Variants in MIIP observed in about 807,000 individuals in gnomAD.
MIIP encodes the protein migration and invasion-inhibitory protein.
MIIP carries 44 observed loss-of-function variants against 44.8 expected under a neutral mutation model. The observed-to-expected ratio is 0.98, with a 90% CI of 0.77 to 1.26. MIIP has a LOEUF of 1.26. Ranked by LOEUF, MIIP falls within the 50% of genes most tolerant of loss-of-function variation. The pLI is 0.00. For missense variants in MIIP, 496 were observed against 511.7 expected (o/e 0.97, Z 0.30); for synonymous variants, 225 against 218.3 (o/e 1.03, Z -0.27).
At chr1:12,029,622 A>G (rs1168868186) in intron 6 of MIIP, 143 bp from the exon 7 acceptor site, 4 of 1,187,010 alleles carry the variant, frequency 3.4e-6, no homozygotes, top group Non-Finnish European at 4.7e-6. Flanking sequence ...TTCTGGGAGG[A>G]AAGGGGTTAG....
At chr1:12,025,088 C>T (rs986741819) in intron 4 of MIIP, among the ~76,000 whole-genome samples, 4 of 136,206 alleles carry the variant, frequency 2.9e-5, no homozygotes, top group Non-Finnish European at 3.0e-5. Context: ...GAGAGAGAGT[C>T]GCACTGTGTC....
intron 1 of MIIP, among the ~76,000 whole-genome samples, chr1:12,020,814 G>A (rs1469580391): frequency 6.6e-6 from 1 of 152,200 alleles, no homozygotes; most frequent in Non-Finnish European, 1.5e-5. Context: ...CTCCCGAGTA[G>A]CTGGGATTAC....
rs537258118 is a variant in MIIP at position 12,021,688 on chromosome 1, G to C, written c.-39G>C. The C allele has an allele frequency of 3.2e-6, 5 of 1,580,758 alleles. No homozygotes were observed. The East Asian group carries it at 1.1e-4, about 35-fold the overall frequency. On this transcript the variant is annotated 5_prime_UTR_variant, in exon 2 of 10. Coordinates refer to ENST00000235332, the MANE Select transcript of MIIP (RefSeq NM_021933.4). ...GAACCCAGCCCTGAGGACATCCTGCGGCCCAGGGGCAAGTGACACCTGCTG... is the reference window on the plus strand; with the variant it reads ...GAACCCAGCCCTGAGGACATCCTGCCGCCCAGGGGCAAGTGACACCTGCTG...
intron 4 of MIIP, among the ~76,000 whole-genome samples, chr1:12,023,688 T>C (rs1640039959): frequency 4.6e-5 from 7 of 151,102 alleles, no homozygotes; most frequent in Admixed American, 4.6e-4. Context: ...TTTTTTTTTT[T>C]TTTCTTTGCT....
chr1:12,026,649 C>T (rs1640109698), intron 4 of MIIP, among the ~76,000 whole-genome samples: 1 of 152,206 alleles, frequency 6.6e-6, no homozygotes, highest in Admixed American at 6.5e-5. Flanking sequence ...AGGAAGCATT[C>T]TGGGAGCTGG....
chr1:12,022,099 G>A lies in MIIP; in HGVS notation c.119G>A (p.Ser40Asn), dbSNP rs775769116. ...TGACCCGGCCCCTCTCTCCAGTCAA[G>A]CCTGGAATCCAGCAGCAGCTACAAC... ...RSVARAASES[S>N]LESSSSYNSE... The change falls in exon 3 of 10, where the codon AGC (serine) becomes AAC (asparagine). Residue 40 changes from serine (S) to asparagine (N), a missense_variant. Transcript: ENST00000235332. The A allele has an allele frequency of 2.9e-5, 47 of 1,613,358 alleles. No homozygotes were observed. In the South Asian group the frequency reaches 4.9e-4, roughly 17 times the overall value.
chr1:12,028,080 G>A lies in MIIP; in HGVS notation c.548-953G>A, dbSNP rs530998507. On this transcript the variant is annotated intron_variant, in intron 4 of 9. Transcript: ENST00000235332. ...AAATTAGCTGGGTGTGGTGGCGCAC[G>A]CCTGTAATTCCAGCTCTGTAGGTGG... is the stretch of plus-strand genomic sequence containing the variant. 2.5e-4 allele frequency among the ~76,000 whole-genome samples: 38 copies of A among 152,304 alleles called. No individual in the cohort carries two copies. In the East Asian group the frequency reaches 6.2e-3, roughly 25 times the overall value.
At chr1:12,020,982 G>GT (rs1378209162) in intron 1 of MIIP, among the ~76,000 whole-genome samples, 1 of 152,124 alleles carries the variant, frequency 6.6e-6, no homozygotes, top group Admixed American at 6.5e-5. Flanking sequence ...CACTTGGCCT[G>GT]TTTTTTGTTT....
At chr1:12,021,895 G>A in intron 2 of MIIP, 55 bp downstream of exon 2, 2 of 1,438,912 alleles carry the variant, frequency 1.4e-6, no homozygotes, top group South Asian at 1.3e-5. Context: ...CTTCAGGCCA[G>A]CATCCAGGCT....
chr1:12,025,416 G>A (rs924911022), intron 4 of MIIP, among the ~76,000 whole-genome samples: 1 of 152,116 alleles, frequency 6.6e-6, no homozygotes, highest in African/African-American at 2.4e-5. Context: ...GATGCCACAT[G>A]TTGTTTATCT....
At position 12,029,970 on chromosome 1, in the gene MIIP, C is replaced by T. The variant is rs576856537; in HGVS notation, c.846-58C>T. The T allele has an allele frequency of 1.5e-5, 24 of 1,609,598 alleles. No individual in the cohort carries two copies. In the East Asian group the frequency reaches 2.2e-4, roughly 15 times the overall value. On this transcript the variant is annotated intron_variant, in intron 7 of 9. Transcript: ENST00000235332. The stretch of plus-strand genomic sequence containing the variant: ...GGTTTTAAGAAAAGATGGGCCTGGG[C>T]GTGGGCCCCCAACCGCTGGGAGGCT...
At chr1:12,029,923 G>A (rs1640196600) in intron 7 of MIIP, 29 bp downstream of exon 7, 2 of 1,611,190 alleles carry the variant, frequency 1.2e-6, no homozygotes, top group African/African-American at 1.3e-5. Flanking sequence ...GGGACACCTT[G>A]GGGGACAGAG....
intron 4 of MIIP, among the ~76,000 whole-genome samples, chr1:12,023,490 G>A (rs762322629): frequency 2.6e-4 from 39 of 149,322 alleles, no homozygotes; most frequent in Non-Finnish European, 4.7e-4. Context: ...TGCAAGCCCC[G>A]CCTCCCAGGT....
chr1:12,030,185 TC>T, intron 8 of MIIP, 61 bp downstream of exon 8: 1 of 1,523,118 alleles, frequency 6.6e-7, no homozygotes, highest in Non-Finnish European at 9.1e-7. Context: ...CTGGCCCAGA[TC>T]CCCAGGGAGG....
rs2100895688 is a variant in MIIP at position 12,022,382 on chromosome 1, A to G, written c.402A>G (p.Pro134=). 1 of 1,611,054 alleles carries G rather than the reference A, an allele frequency of 6.2e-7. No individual in the cohort carries two copies. Among genetic ancestry groups the G allele is most frequent in the Non-Finnish European group, 8.5e-7 (1 of 1,179,010 alleles). ...AGCCCTCAGGGAGGCTGGGTGATCCAGGACCCCAGGAGGCACAGACCCCGA... is the reference window on the plus strand; with the variant it reads ...AGCCCTCAGGGAGGCTGGGTGATCCGGGACCCCAGGAGGCACAGACCCCGA... The part of the protein sequence containing the change: ...DPEPSGRLGD[P]GPQEAQTPRS... The change falls in exon 3 of 10, where the codon CCA becomes CCG. Residue 134 remains proline (P), a synonymous_variant. Transcript: ENST00000235332.
chr1:12,025,661 T>A (rs1462877676), intron 4 of MIIP, among the ~76,000 whole-genome samples: 2 of 152,220 alleles, frequency 1.3e-5, no homozygotes, highest in African/African-American at 4.8e-5. Context: ...TGGCCTCTAC[T>A]GGCCCCATGA....
At chr1:12,027,149 C>G (rs1464837386) in intron 4 of MIIP, among the ~76,000 whole-genome samples, 1 of 152,014 alleles carries the variant, frequency 6.6e-6, no homozygotes, top group African/African-American at 2.4e-5. Context: ...GCTGGGATTA[C>G]AGGCATGCAC....
Position 12,030,043 on chromosome 1 carries a change from G to A in MIIP, c.861G>A (p.Leu287=), listed in dbSNP as rs1640201222. 2 of 1,613,550 alleles carry A rather than the reference G, an allele frequency of 1.2e-6. No individual in the cohort carries two copies. Among genetic ancestry groups the A allele is most frequent in the African/African-American group, 1.3e-5 (1 of 75,056 alleles). The change falls in exon 8 of 10, where the codon CTG becomes CTA. Residue 287 remains leucine, a synonymous_variant. Coordinates refer to ENST00000235332, the MANE Select transcript of MIIP (RefSeq NM_021933.4). ...CCCTGCGCAGGGTGAGCATCCCGCTGTCGATCCTGGAGCCCCCGCACCGGT... is the reference window on the plus strand; with the variant it reads ...CCCTGCGCAGGGTGAGCATCCCGCTATCGATCCTGGAGCCCCCGCACCGGT... ...QPAHVRVSIP[L]SILEPPHRYH...
At chr1:12,023,770 C>T (rs900670937) in intron 4 of MIIP, among the ~76,000 whole-genome samples, 2 of 150,726 alleles carry the variant, frequency 1.3e-5, no homozygotes, top group Non-Finnish European at 3.0e-5. Context: ...ATGAGGTGGG[C>T]GGATCACGAG....
Sources: allele counts gnomAD v4.1 joint callset (sites outside exome capture counted in the v4.1 genomes callset), GRCh38; gene constraint gnomAD v4.1.1; transcripts MANE v1.5; gene names NCBI Gene and HGNC (gene_info 2026-07-23, HGNC 2026-07-21).